The following WASHC5 variants were observed in gnomAD, a reference collection of about 807,000 sequenced individuals.
WASHC5 encodes the protein WASH complex subunit 5, also known as WASH complex subunit strumpellin.
Under a neutral mutation model 150.4 loss-of-function variants are expected in WASHC5, and 101 were observed. The ratio of observed to expected loss-of-function variants is 0.67; its 90% confidence interval spans 0.57 to 0.79. The LOEUF is 0.79. WASHC5 is among the 30% of genes least tolerant of loss of function. WASHC5 has a pLI of 0.00. For synonymous variants in WASHC5, 467 were observed against 491.2 expected (o/e 0.95, Z 0.65); for missense variants, 1,195 against 1,396.3 (o/e 0.86, Z 2.30).
In WASHC5 at chr8:125,073,316, T is replaced by A. The variant is rs763847276; in HGVS notation, c.987A>T (p.Arg329Ser). 1.2e-6 allele frequency: 2 copies of A among 1,613,566 alleles called. No homozygotes were observed. The highest frequency in any genetic ancestry group is 2.2e-5 in the South Asian group (2 of 91,068). Residue 329 changes from arginine (R) to serine (S), a missense_variant, in exon 9 of 29, where the codon AGA (arginine) becomes AGT (serine). By Grantham distance (110) the Arg-to-Ser change is moderately radical. Coordinates refer to ENST00000318410, the MANE Select transcript of WASHC5 (RefSeq NM_014846.4). Reference protein sequence around the residue: ...DLSNVREQASRYATVSERVHA... With the variant: ...DLSNVREQASSYATVSERVHA... ...GCACTCTTTCACTGACAGTAGCATATCTGCTTGCCTTGACAAATAAGAAAC... is the reference window on the plus strand; with the variant it reads ...GCACTCTTTCACTGACAGTAGCATAACTGCTTGCCTTGACAAATAAGAAAC...
chr8:125,082,357 C>A (rs1817289100), intron 4 of WASHC5, 26 bp downstream of exon 4: 2 of 1,252,178 alleles, frequency 1.6e-6, no homozygotes, highest in South Asian at 1.2e-5. Context: ...TCTTGAATTT[C>A]ATTTTAAATA....
At chr8:125,082,147 G>C (rs1817283402) in intron 4 of WASHC5, among the ~76,000 whole-genome samples, 1 of 152,190 alleles carries the variant, frequency 6.6e-6, no homozygotes, top group African/African-American at 2.4e-5. Flanking sequence ...AAAGAAGACA[G>C]AATTCTTACA....
At chr8:125,035,339 GA>G (rs1041300631) in intron 26 of WASHC5, among the ~76,000 whole-genome samples, 7 of 150,590 alleles carry the variant, frequency 4.6e-5, no homozygotes, top group African/African-American at 1.2e-4. Flanking sequence ...TATACACAAT[GA>G]AAAAAAAATT....
intron 26 of WASHC5, among the ~76,000 whole-genome samples, chr8:125,034,922 A>C (rs1815654295): frequency 6.6e-6 from 1 of 152,214 alleles, no homozygotes; most frequent in South Asian, 2.1e-4. Flanking sequence ...CCAGGTATGC[A>C]TTTCATAGGC....
At chr8:125,025,062 A>G (rs1815337508) in intron 28 of WASHC5, among the ~76,000 whole-genome samples, 1 of 151,966 alleles carries the variant, frequency 6.6e-6, no homozygotes, top group Non-Finnish European at 1.5e-5. Flanking sequence ...GGGGTTGGAG[A>G]GGTAGGGGAG....
At chr8:125,063,413 A>G in intron 11 of WASHC5, 109 bp downstream of exon 11, 1 of 1,189,378 alleles carries the variant, frequency 8.4e-7, no homozygotes, top group Non-Finnish European at 1.3e-6. Flanking sequence ...GGAATATCAT[A>G]GGATACAATA....
intron 7 of WASHC5, among the ~76,000 whole-genome samples, chr8:125,075,421 T>C (rs1358987283): frequency 2.0e-5 from 3 of 152,232 alleles, no homozygotes; most frequent in African/African-American, 7.2e-5. Flanking sequence ...GGATATCTTT[T>C]TTTAAAATCC....
chr8:125,058,386 A>G (rs964898620), intron 14 of WASHC5, among the ~76,000 whole-genome samples: 4 of 151,034 alleles, frequency 2.6e-5, no homozygotes, highest in African/African-American at 9.8e-5. Context: ...CATCCCCCTC[A>G]CTCCCACGTC....
Position 125,043,919 on chromosome 8 carries a change from C to A in WASHC5, c.2771-15G>T. The A allele has an allele frequency of 6.2e-7, 1 of 1,606,330 alleles. No individual in the cohort carries two copies. The highest frequency in any genetic ancestry group is 8.5e-7 in the Non-Finnish European group (1 of 1,173,174). On this transcript the variant is annotated splice_polypyrimidine_tract_variant and intron_variant, in intron 22 of 28. Transcript: ENST00000318410. ...ATTTGAATTTGCTGAAAAGTTAAAA[C>A]ATAATTTTCTCTTTAGTACATTCGT... is the stretch of plus-strand genomic sequence containing the variant.
At chr8:125,060,139 T>C (rs1236627786) in intron 12 of WASHC5, among the ~76,000 whole-genome samples, 1 of 152,232 alleles carries the variant, frequency 6.6e-6, no homozygotes, top group Non-Finnish European at 1.5e-5. Flanking sequence ...TCTAAAAATA[T>C]ATAATCATAC....
At chr8:125,057,743 A>G in intron 14 of WASHC5, 77 bp from the exon 15 acceptor site, 4 of 916,854 alleles carry the variant, frequency 4.4e-6, no homozygotes, top group Non-Finnish European at 6.9e-6. Context: ...AAAATGTAAC[A>G]TACAACAAAA....
At chr8:125,043,208 T>C (rs1563613579) in intron 23 of WASHC5, among the ~76,000 whole-genome samples, 1 of 152,198 alleles carries the variant, frequency 6.6e-6, no homozygotes, top group Non-Finnish European at 1.5e-5. Context: ...GATTATCAGA[T>C]GATGAAAGAA....
At chr8:125,036,975 C>T (rs1164800126) in intron 26 of WASHC5, among the ~76,000 whole-genome samples, 10 of 152,032 alleles carry the variant, frequency 6.6e-5, no homozygotes, top group East Asian at 1.9e-4. Context: ...ACCACGCCAT[C>T]GCGCTCCAGC....
intron 6 of WASHC5, 141 bp downstream of exon 6, chr8:125,078,597 G>A (rs569141842): frequency 2.9e-6 from 2 of 681,854 alleles, no homozygotes; most frequent in Non-Finnish European, 5.2e-6. Flanking sequence ...TTATCATCCT[G>A]GGGTGTAGCT....
In WASHC5 at chr8:125,024,484, G is replaced by A. The variant is rs571515794; in HGVS notation, c.*133C>T. The A allele has an allele frequency of 1.2e-5, 9 of 733,604 alleles. No homozygotes were observed. Among genetic ancestry groups the A allele is most frequent in the Non-Finnish European group, 2.0e-5 (8 of 396,830 alleles). The allele number at this position is 733,604 out of a possible 1,614,324, so 45.4% of individuals were successfully genotyped here. On this transcript the variant is annotated 3_prime_UTR_variant, in exon 29 of 29. Coordinates refer to ENST00000318410, the MANE Select transcript of WASHC5 (RefSeq NM_014846.4). ...CCATGAGATATATCTTACTCAGAACGTCTGATGTTTCCCATAATAGACAGA... is the reference window on the plus strand; with the variant it reads ...CCATGAGATATATCTTACTCAGAACATCTGATGTTTCCCATAATAGACAGA...
In WASHC5 at chr8:125,083,746, A is replaced by G; in HGVS notation, c.153T>C (p.Tyr51=). 1.2e-6 allele frequency: 2 copies of G among 1,613,604 alleles called. No individual in the cohort carries two copies. Among genetic ancestry groups the G allele is most frequent in the Non-Finnish European group, 1.7e-6 (2 of 1,179,616 alleles). Residue 51 remains tyrosine, a synonymous_variant, in exon 2 of 29, where the codon TAT becomes TAC. Coordinates refer to ENST00000318410, the MANE Select transcript of WASHC5 (RefSeq NM_014846.4). ...AGCTGAAATCAAATATGATATCTCC[A>G]TATTTCTGTTGATCAGCTCTGTCTT... ...RLKDRADQQK[Y]GDIIFDFSYF... is the part of the protein sequence containing the mutation.
At chr8:125,050,281 G>A (rs1816200727) in intron 18 of WASHC5, among the ~76,000 whole-genome samples, 1 of 151,986 alleles carries the variant, frequency 6.6e-6, no homozygotes, top group Admixed American at 6.5e-5. Context: ...CATAAAATCA[G>A]TTTAATTCTG....
In WASHC5 at chr8:125,078,838, G is replaced by A; in HGVS notation, c.611C>T (p.Pro204Leu). 6.2e-7 allele frequency: 1 copy of A among 1,613,766 alleles called. No individual in the cohort carries two copies. The highest frequency in any genetic ancestry group is 8.5e-7 in the Non-Finnish European group (1 of 1,179,816). Residue 204 changes from proline to leucine, a missense_variant, in exon 6 of 29, where the codon CCA becomes CTA. Pro to Leu is a moderately conservative substitution (Grantham distance 98). Transcript: ENST00000318410. ...GAAATAGCTCTCGGGATAGTTGGAT[G>A]GTCTTTTGGCACCTGGTTGGCTAGA... ...GYSSQPGAKR[P>L]SNYPESYFQR... is the part of the protein sequence containing the mutation.
At chr8:125,045,322 A>T (rs1816031773) in intron 20 of WASHC5, among the ~76,000 whole-genome samples, 2 of 152,144 alleles carry the variant, frequency 1.3e-5, no homozygotes, top group South Asian at 4.1e-4. Context: ...GTGTGCTAAG[A>T]CCTTTCCATG....
Sources: allele counts gnomAD v4.1 joint callset (sites outside exome capture counted in the v4.1 genomes callset), GRCh38; gene constraint gnomAD v4.1.1; transcripts MANE v1.5; gene names NCBI Gene and HGNC (gene_info 2026-07-23, HGNC 2026-07-21).